WDFY4: variants seen among roughly 807,000 people sequenced by gnomAD.
The protein encoded by WDFY4 is WD repeat- and FYVE domain-containing protein 4.
WDFY4 carries 169 observed loss-of-function variants against 351.9 expected under a neutral mutation model. The ratio of observed to expected loss-of-function variants is 0.48; its 90% CI spans 0.42 to 0.55. The LOEUF is 0.55. Among genes scored for constraint, WDFY4 ranks in the 20% least tolerant of loss-of-function variants. WDFY4 has a pLI of 0.00. For missense variants in WDFY4, 3,803 were observed against 3,935.6 expected (o/e 0.97, Z 0.90); for synonymous variants, 1,622 against 1,574.6 (o/e 1.03, Z -0.71).
intron 1 of WDFY4, among the ~76,000 whole-genome samples, chr10:48,707,800 G>C (rs1405438494): frequency 6.6e-6 from 1 of 152,072 alleles, no homozygotes; most frequent in Non-Finnish European, 1.5e-5. Context: ...GGGGACACAG[G>C]GAATGCGAAT....
intron 47 of WDFY4, chr10:48,910,966 A>G: frequency 1.1e-6 from 1 of 950,002 alleles, no homozygotes; most frequent in Non-Finnish European, 1.3e-6. Flanking sequence ...AATTAATTCT[A>G]AAGAAAAAGT....
intron 44 of WDFY4, among the ~76,000 whole-genome samples, chr10:48,891,429 C>T (rs928921656): frequency 1.1e-4 from 16 of 152,246 alleles, no homozygotes; most frequent in African/African-American, 3.9e-4. Context: ...TAAGGCCATT[C>T]AAAATCAAAT....
chr10:48,913,170 T>A (rs7923621), intron 47 of WDFY4, among the ~76,000 whole-genome samples: 43,424 of 151,966 alleles, frequency 0.29, 7,523 homozygotes, highest in East Asian at 0.72. Flanking sequence ...TACTTGTGAG[T>A]GTGTGTGCAG....
At position 48,805,249 on chromosome 10, in the gene WDFY4, G is replaced by T; in HGVS notation, c.4485-11G>T. 6.5e-7 allele frequency: 1 copy of T among 1,540,828 alleles called. No homozygotes were observed. The highest frequency in any genetic ancestry group is 1.7e-4 in the Middle Eastern group (1 of 5,990). On this transcript the variant is annotated splice_polypyrimidine_tract_variant and intron_variant, in intron 25 of 61. Coordinates refer to ENST00000325239, the MANE Select transcript of WDFY4 (RefSeq NM_001394531.1). ...TAAAAGCTTTTACTGTCTCTCTCCT[G>T]TACTCACCAGGGAAGGACCCAGGAA...
intron 7 of WDFY4, among the ~76,000 whole-genome samples, chr10:48,728,825 G>T (rs1315269003): frequency 1.3e-5 from 2 of 152,220 alleles, no homozygotes; most frequent in African/African-American, 4.8e-5. Context: ...TCTTGTGGAA[G>T]GCAGGAGAGG....
At chr10:48,759,489 G>A (rs754875036) in intron 12 of WDFY4, among the ~76,000 whole-genome samples, 8 of 152,204 alleles carry the variant, frequency 5.3e-5, no homozygotes, top group Non-Finnish European at 1.2e-4. Flanking sequence ...GGGACTACAG[G>A]TCCTCTGGTC....
At chr10:48,827,288 T>C (rs1167912042) in intron 36 of WDFY4, among the ~76,000 whole-genome samples, 2 of 151,910 alleles carry the variant, frequency 1.3e-5, no homozygotes, top group African/African-American at 4.8e-5. Context: ...ATATAATACA[T>C]TGTATTGTGC....
rs547393160 is a variant in WDFY4, at chr10:48,762,944, T to G, written c.2553+2504T>G. 5.9e-5 allele frequency among the ~76,000 whole-genome samples: 9 copies of G among 152,318 alleles called. No homozygotes were observed. The East Asian group carries it at 1.7e-3, about 29-fold the overall frequency. ...TCTTCTGTGAGGGGTGACAGGTGTG[T>G]GTAGGTGAGAGATGCCTATGGGGAA... On this transcript the variant is annotated intron_variant, in intron 13 of 61. Coordinates refer to ENST00000325239, the MANE Select transcript of WDFY4 (RefSeq NM_001394531.1).
intron 1 of WDFY4, among the ~76,000 whole-genome samples, chr10:48,697,764 G>A (rs142230283): frequency 2.2e-3 from 339 of 152,256 alleles, no homozygotes; most frequent in Non-Finnish European, 4.2e-3. Context: ...GGTGTTTCCT[G>A]GGCCATTTTC....
At chr10:48,777,158 C>T (rs1219869960) in intron 16 of WDFY4, among the ~76,000 whole-genome samples, 174 bp downstream of exon 16, 1 of 152,190 alleles carries the variant, frequency 6.6e-6, no homozygotes, top group East Asian at 1.9e-4. Context: ...GGCTGTGTCC[C>T]CAGCTATGGA....
chr10:48,732,897 C>T (rs964813617), intron 9 of WDFY4, among the ~76,000 whole-genome samples: 2 of 152,216 alleles, frequency 1.3e-5, no homozygotes, highest in African/African-American at 2.4e-5. Context: ...AGGATCAGGA[C>T]TGCGAAGGAT....
At position 48,763,150 on chromosome 10, in the gene WDFY4, A is replaced by T. The variant is rs142232899; in HGVS notation, c.2553+2710A>T. On this transcript the variant is annotated intron_variant, in intron 13 of 61. Transcript: ENST00000325239. ...CAACATGGAGACTATTACACATTAG[A>T]CATCACCTCTGTGCCAGGAATGCTA... Among the ~76,000 whole-genome samples the T allele has an allele frequency of 9.8e-5, 15 of 152,354 alleles. No homozygotes were observed. The East Asian group carries it at 2.1e-3, about 22-fold the overall frequency.
At chr10:48,759,555 G>A (rs1042456355) in intron 12 of WDFY4, among the ~76,000 whole-genome samples, 2 of 152,202 alleles carry the variant, frequency 1.3e-5, no homozygotes, top group African/African-American at 4.8e-5. Context: ...TGCTGCTGCT[G>A]TTGCTGATGC....
At chr10:48,726,282 T>C (rs2064265402) in intron 6 of WDFY4, among the ~76,000 whole-genome samples, 1 of 152,248 alleles carries the variant, frequency 6.6e-6, no homozygotes, top group Non-Finnish European at 1.5e-5. Context: ...GTGCTTTTCT[T>C]GTTCATTTTG....
intron 47 of WDFY4, chr10:48,935,353 G>A (rs556854814): frequency 1.3e-5 from 2 of 152,360 alleles, no homozygotes; most frequent in East Asian, 1.9e-4. Flanking sequence ...TGCCTGCCAC[G>A]AGGAGGGAAC....
chr10:48,970,074 C>T, intron 56 of WDFY4, 57 bp from the exon 57 acceptor site: 10 of 1,531,166 alleles, frequency 6.5e-6, no homozygotes, highest in Non-Finnish European at 8.8e-6. Context: ...TGACTCTATC[C>T]TGGGCTCCTG....
At chr10:48,775,834 G>C (rs1161756498) in intron 15 of WDFY4, 28 bp downstream of exon 15, 1 of 1,532,406 alleles carries the variant, frequency 6.5e-7, no homozygotes, top group South Asian at 1.2e-5. Flanking sequence ...AACGGGGCAG[G>C]TTAATGGGAA....
chr10:48,920,274 C>T (rs10745285), intron 47 of WDFY4, among the ~76,000 whole-genome samples: 1 of 151,400 alleles, frequency 6.6e-6, no homozygotes, highest in African/African-American at 2.4e-5. Flanking sequence ...GGACAAAAAA[C>T]CAAATACCAC....
chr10:48,966,455 C>T, intron 54 of WDFY4, 71 bp from the exon 55 acceptor site: 1 of 1,467,860 alleles, frequency 6.8e-7, no homozygotes, highest in Non-Finnish European at 9.2e-7. Flanking sequence ...GGTGCAGCTA[C>T]AGTGTGCACA....
Sources: allele counts gnomAD v4.1 joint callset (sites outside exome capture counted in the v4.1 genomes callset), GRCh38; gene constraint gnomAD v4.1.1; transcripts MANE v1.5; gene names NCBI Gene and HGNC (gene_info 2026-07-23, HGNC 2026-07-21).